Variants in MYCBP2 observed in about 807,000 individuals in gnomAD.
The protein encoded by MYCBP2 is MYC binding protein 2, also known as E3 ubiquitin-protein ligase MYCBP2.
Under a neutral mutation model 525.3 loss-of-function variants are expected in MYCBP2, and 120 were observed. That is an observed-to-expected ratio of 0.23 (90% CI 0.20 to 0.27). MYCBP2 has a LOEUF of 0.27. Among genes scored for constraint, MYCBP2 ranks in the 10% least tolerant of loss-of-function variants. MYCBP2 has a pLI of 1.00. For missense variants in MYCBP2, 4,149 were observed against 5,657.1 expected, an observed-to-expected ratio of 0.73 and a Z score of 8.55; for synonymous variants, 1,894 against 1,955.8, an observed-to-expected ratio of 0.97 and a Z score of 0.83.
chr13:77,109,618 A>G (rs2048442933), intron 55 of MYCBP2: 1 of 152,210 alleles, frequency 6.6e-6, no homozygotes, highest in Non-Finnish European at 1.5e-5. Context: ...GCTGGACTAG[A>G]TAACCTCTTG....
intron 49 of MYCBP2, among the ~76,000 whole-genome samples, chr13:77,142,943 G>C (rs1450106327): frequency 6.6e-6 from 1 of 152,164 alleles, no homozygotes; most frequent in African/African-American, 2.4e-5. Flanking sequence ...AAGCATTTCA[G>C]ATAAAAGATA....
Position 77,296,604 on chromosome 13 carries a change from T to C in MYCBP2, c.373A>G (p.Ser125Gly). Residue 125 changes from serine (S) to glycine (G), a missense_variant, in exon 2 of 83, where the codon AGC becomes GGC. By Grantham distance (56) the Ser-to-Gly change is moderately conservative (BLOSUM62 0). This residue lies in a region of MYCBP2 where 413 missense variants were observed against 451.2 expected (regional missense o/e 0.92). Coordinates refer to ENST00000544440, the MANE Select transcript of MYCBP2 (RefSeq NM_015057.5). ...TCAATTACCAGCAGCTTTACCTTGCTTCTTGTCTTCACTTTTGATTTGCTC... is the reference window on the plus strand; with the variant it reads ...TCAATTACCAGCAGCTTTACCTTGCCTCTTGTCTTCACTTTTGATTTGCTC... The part of the protein sequence containing the change: ...QKSKSKVKTR[S>G]KSENLENTVI... 1.3e-6 allele frequency: 2 copies of C among 1,582,882 alleles called. No homozygotes were observed. The highest frequency in any genetic ancestry group is 1.2e-5 in the South Asian group (1 of 83,410).
chr13:77,071,449 G>C (rs1026213903), intron 68 of MYCBP2, among the ~76,000 whole-genome samples: 1 of 152,036 alleles, frequency 6.6e-6, no homozygotes, highest in Non-Finnish European at 1.5e-5. Context: ...TTAAGATAGA[G>C]AGCCAGAAGA....
At chr13:77,087,295 T>C (rs2044483203) in intron 62 of MYCBP2, among the ~76,000 whole-genome samples, 189 bp downstream of exon 62, 1 of 152,166 alleles carries the variant, frequency 6.6e-6, no homozygotes, top group Non-Finnish European at 1.5e-5. Flanking sequence ...TTCAATGCTC[T>C]CTCCATTATA....
chr13:77,108,268 T>C (rs570520944), intron 55 of MYCBP2, among the ~76,000 whole-genome samples: 2 of 152,334 alleles, frequency 1.3e-5, no homozygotes, highest in East Asian at 1.9e-4. Context: ...TAGCATATTA[T>C]TGAATATATT....
rs776488283 is a variant in MYCBP2 at position 77,110,546 on chromosome 13, G to C, written c.8140+10827C>G. On this transcript the variant is annotated intron_variant, in intron 55 of 82. Transcript: ENST00000544440. ...TTGCCCTTTGCCTTGTGATCTTTTT[G>C]CCCTTTAAGGCATGTGATCTTTGTG... 3.3e-5 allele frequency among the ~76,000 whole-genome samples: 5 copies of C among 151,950 alleles called. No individual in the cohort carries two copies. The East Asian group carries it at 9.7e-4, about 29-fold the overall frequency.
intron 3 of MYCBP2, among the ~76,000 whole-genome samples, chr13:77,287,800 A>G (rs2077042364): frequency 6.6e-6 from 1 of 151,552 alleles, no homozygotes; most frequent in African/African-American, 2.4e-5. Flanking sequence ...TGCCCACCTT[A>G]CTCTCGGCTC....
intron 68 of MYCBP2, among the ~76,000 whole-genome samples, chr13:77,075,258 T>C (rs756306736): frequency 6.6e-5 from 10 of 152,156 alleles, no homozygotes; most frequent in Non-Finnish European, 1.3e-4. Flanking sequence ...TTCACTAGTG[T>C]ACACAAGTAA....
chr13:77,076,004 T>C (rs139711839), intron 68 of MYCBP2: 3 of 152,388 alleles, frequency 2.0e-5, no homozygotes, highest in African/African-American at 4.8e-5. Flanking sequence ...TGATTATTTG[T>C]AGCATTTAAA....
intron 8 of MYCBP2, among the ~76,000 whole-genome samples, chr13:77,266,654 G>A: frequency 6.7e-6 from 1 of 150,042 alleles, no homozygotes; most frequent in African/African-American, 2.5e-5. Context: ...AATATGTGGG[G>A]GGAGTGTGCA....
At chr13:77,324,689 A>C (rs575684615) in intron 1 of MYCBP2, among the ~76,000 whole-genome samples, 1 of 152,364 alleles carries the variant, frequency 6.6e-6, no homozygotes, top group South Asian at 2.1e-4. Context: ...CAAGGGCTAA[A>C]AAATCATTCA....
intron 59 of MYCBP2, 31 bp from the exon 60 acceptor site, chr13:77,090,294 C>T: frequency 6.5e-7 from 1 of 1,545,090 alleles, no homozygotes; most frequent in Non-Finnish European, 8.8e-7. Flanking sequence ...CAGATACAAA[C>T]TCAGAAGAGC....
chr13:77,076,392 T>C (rs933574123), intron 68 of MYCBP2, among the ~76,000 whole-genome samples: 13 of 152,180 alleles, frequency 8.5e-5, no homozygotes, highest in African/African-American at 2.9e-4. Flanking sequence ...ACAAATTTCA[T>C]GAAGAGGATA....
At chr13:77,245,300 G>A (rs1005708553) in intron 15 of MYCBP2, among the ~76,000 whole-genome samples, 1 of 152,002 alleles carries the variant, frequency 6.6e-6, no homozygotes, top group Non-Finnish European at 1.5e-5. Flanking sequence ...AAAGACACAT[G>A]TACATGTACG....
rs2046515926 is a variant in MYCBP2 at position 77,098,152 on chromosome 13, T to A, written c.9002A>T (p.Lys3001Ile). Reference protein sequence around the residue: ...KCANRHTRPKKEKSSFLFKGD... With the variant: ...KCANRHTRPKIEKSSFLFKGD... The stretch of plus-strand genomic sequence containing the variant: ...TTTGAAAAGAAAACTCGATTTTTCT[T>A]TTTTGGGCCTGGTGTGTCTATTAGC... The change falls in exon 56 of 83, where the codon AAA becomes ATA. Residue 3001 changes from lysine to isoleucine, a missense_variant. Coordinates refer to ENST00000544440, the MANE Select transcript of MYCBP2 (RefSeq NM_015057.5). 1 of 1,613,622 alleles carries A rather than the reference T, an allele frequency of 6.2e-7. No individual in the cohort carries two copies. The highest frequency in any genetic ancestry group is 1.3e-5 in the African/African-American group (1 of 74,888).
intron 1 of MYCBP2, among the ~76,000 whole-genome samples, chr13:77,321,902 C>T (rs2081688819): frequency 6.6e-6 from 1 of 152,174 alleles, no homozygotes; most frequent in Non-Finnish European, 1.5e-5. Context: ...GGCTCACACC[C>T]ATAATCCCAG....
intron 1 of MYCBP2, among the ~76,000 whole-genome samples, chr13:77,304,330 C>T (rs1189293233): frequency 1.3e-5 from 2 of 152,016 alleles, no homozygotes; most frequent in Non-Finnish European, 2.9e-5. Flanking sequence ...TTTGCAGCAC[C>T]GTGGATGAGC....
intron 52 of MYCBP2, among the ~76,000 whole-genome samples, chr13:77,127,323 C>G (rs559189412): frequency 1.3e-5 from 2 of 151,746 alleles, no homozygotes; most frequent in Non-Finnish European, 2.9e-5. Context: ...ATGAAAGAAC[C>G]TTCCCTAAAT....
At chr13:77,155,934 C>T (rs1033774966) in intron 46 of MYCBP2, 124 bp downstream of exon 46, 4 of 881,262 alleles carry the variant, frequency 4.5e-6, no homozygotes, top group East Asian at 2.7e-5. Flanking sequence ...AACAAACTTT[C>T]AGCATCACCC....
Sources: gnomAD v4.1 joint callset for allele counts (sites outside exome capture counted in the v4.1 genomes callset) on GRCh38, gnomAD v4.1.1 for gene constraint, gnomAD v4.1.1 regional missense constraint, MANE v1.5 for transcripts, NCBI Gene and HGNC (gene_info 2026-07-23, HGNC 2026-07-21) for gene names.